Variants in TENT4A observed in about 807,000 individuals in gnomAD.
TENT4A encodes the protein DNA polymerase kappa.
In TENT4A, 7 loss-of-function variants were observed where a neutral mutation model predicts 72.8. That is an observed-to-expected ratio of 0.10 (90% CI 0.05 to 0.18). The LOEUF is 0.18. Ranked by LOEUF, TENT4A falls within the 10% of genes least tolerant of loss-of-function variation. The pLI is 1.00. For missense variants in TENT4A, 831 were observed against 1,017.7 expected (o/e 0.82, Z 2.50); for synonymous variants, 456 against 434.3 (o/e 1.05, Z -0.62).
intron 1 of TENT4A, among the ~76,000 whole-genome samples, chr5:6,717,152 C>T (rs750620936): frequency 6.6e-6 from 1 of 152,208 alleles, no homozygotes; most frequent in African/African-American, 2.4e-5. Context: ...ATAAATAGTT[C>T]TGTCTAGAAC....
chr5:6,718,710 C>T (rs1740505350), intron 1 of TENT4A, among the ~76,000 whole-genome samples: 1 of 152,222 alleles, frequency 6.6e-6, no homozygotes, highest in Non-Finnish European at 1.5e-5. Context: ...TCACTTGTTC[C>T]TGTCTTTTGT....
chr5:6,742,178 C>T (rs1310649276), intron 4 of TENT4A, among the ~76,000 whole-genome samples: 1 of 152,194 alleles, frequency 6.6e-6, no homozygotes, highest in Non-Finnish European at 1.5e-5. Flanking sequence ...CATCCCAGCA[C>T]ATAGGGTGGG....
In TENT4A at chr5:6,755,970, G is replaced by A. The variant is rs142992752; in HGVS notation, c.*1025G>A. 1.4e-4 allele frequency: 21 copies of A among 152,326 alleles called. No homozygotes were observed. Among genetic ancestry groups the A allele is most frequent in the African/African-American group, 4.1e-4 (17 of 41,550 alleles). 9.4% of individuals were successfully genotyped at this position (152,326 alleles called of 1,614,324 possible). ...TGATGGGTCTGGTGACTATTATTGC[G>A]GACCGTGGTACCCAGTTTTAGGAAT... On this transcript the variant is annotated 3_prime_UTR_variant, in exon 13 of 13. Transcript: ENST00000230859.
At chr5:6,741,052 C>T (rs28363361) in intron 4 of TENT4A, among the ~76,000 whole-genome samples, 1 of 152,162 alleles carries the variant, frequency 6.6e-6, no homozygotes, top group Non-Finnish European at 1.5e-5. Flanking sequence ...GGAATCCTGA[C>T]CAGGCGACCA....
At chr5:6,749,883 A>T (rs1458074913) in intron 9 of TENT4A, among the ~76,000 whole-genome samples, 1 of 152,238 alleles carries the variant, frequency 6.6e-6, no homozygotes, top group Non-Finnish European at 1.5e-5. Flanking sequence ...GTCAAATGTG[A>T]AAAGAAACAG....
At chr5:6,744,760 G>T (rs1291662566) in intron 6 of TENT4A, among the ~76,000 whole-genome samples, 37 of 152,200 alleles carry the variant, frequency 2.4e-4, no homozygotes, top group Non-Finnish European at 2.9e-5. Context: ...TTTCCCCTCT[G>T]AGATGTGGCC....
intron 1 of TENT4A, among the ~76,000 whole-genome samples, chr5:6,724,200 T>G (rs542365729): frequency 1.3e-5 from 2 of 152,334 alleles, no homozygotes; most frequent in South Asian, 2.1e-4. Flanking sequence ...AGCCTGGGCT[T>G]CTTCCCACCT....
In TENT4A at chr5:6,725,887, A is replaced by G. The variant is rs144969572; in HGVS notation, c.716+11188A>G. Among the ~76,000 whole-genome samples the G allele has an allele frequency of 2.6e-3, 390 of 152,346 alleles. 1 individual carries two copies. Among genetic ancestry groups the G allele is most frequent in the Non-Finnish European group, 4.0e-3 (269 of 68,034 alleles). Reference sequence around the variant, plus strand: ...TTTGCTTGAAAGGGAAAGGTGTCCAACTTCAGTTGGAAATACTAGTTTCTA... The same window carrying G: ...TTTGCTTGAAAGGGAAAGGTGTCCAGCTTCAGTTGGAAATACTAGTTTCTA... On this transcript the variant is annotated intron_variant, in intron 1 of 12. Transcript: ENST00000230859.
rs150958110 is a variant in TENT4A, at chr5:6,739,822, G to A, written c.978G>A (p.Pro326=). ...TGCGGAAGCACAACGTGGCTGAGCC[G>A]TGTTCCATCAAAGTCCTTGACAAGG... The part of the protein sequence containing the change: ...QALRKHNVAE[P]CSIKVLDKAT... Residue 326 remains proline, a synonymous_variant, in exon 4 of 13, where the codon CCG becomes CCA. Transcript: ENST00000230859. 2.5e-5 allele frequency: 40 copies of A among 1,614,050 alleles called. No individual in the cohort carries two copies. The Admixed American group carries it at 4.0e-4, about 16-fold the overall frequency.
In TENT4A at chr5:6,714,203, C is replaced by A; in HGVS notation, c.220C>A (p.Pro74Thr). 2.1e-6 allele frequency: 2 copies of A among 971,984 alleles called. No homozygotes were observed. The highest frequency in any genetic ancestry group is 2.4e-6 in the Non-Finnish European group (2 of 821,800). The allele number at this position is 971,984 out of a possible 1,614,324, so 60.2% of individuals were successfully genotyped here. A position where few individuals can be genotyped will look rare whatever the true frequency, so the allele number is the denominator to read the frequency against. Residue 74 changes from proline to threonine, a missense_variant, in exon 1 of 13, where the codon CCG (proline) becomes ACG (threonine). Physicochemically the swap from Pro to Thr is conservative, Grantham distance 38. Transcript: ENST00000230859. The stretch of plus-strand genomic sequence containing the variant: ...CCCCGCGCTGCCCGCCGCGTCGCCC[C>A]CGCCGCCCGGCCCCACCGCGCCCGC... ...LGPALPAASPPPPGPTAPAAL... is the reference protein window; with the variant it reads ...LGPALPAASPTPPGPTAPAAL...
intron 1 of TENT4A, among the ~76,000 whole-genome samples, chr5:6,722,436 G>C (rs1340879414): frequency 6.6e-6 from 1 of 152,150 alleles, no homozygotes; most frequent in Non-Finnish European, 1.5e-5. Flanking sequence ...CTGAGTCTTG[G>C]GAGTGGGGGG....
chr5:6,751,696 A>G (rs1355193569), intron 11 of TENT4A, among the ~76,000 whole-genome samples: 1 of 152,280 alleles, frequency 6.6e-6, no homozygotes. Context: ...AGATAAAATT[A>G]GAAATCTAAA....
intron 4 of TENT4A, among the ~76,000 whole-genome samples, chr5:6,741,949 G>A (rs182610699): frequency 3.5e-4 from 54 of 152,238 alleles, no homozygotes; most frequent in African/African-American, 1.0e-3. Context: ...AATGCCATTC[G>A]GTGACAGTTC....
At chr5:6,734,517 G>A (rs1024153397) in intron 1 of TENT4A, among the ~76,000 whole-genome samples, 1 of 152,268 alleles carries the variant, frequency 6.6e-6, no homozygotes, top group Non-Finnish European at 1.5e-5. Flanking sequence ...CACTTCGCCA[G>A]AGCCTTCTTG....
At chr5:6,749,451 C>G (rs1742275550) in intron 8 of TENT4A, 106 bp from the exon 9 acceptor site, 1 of 688,250 alleles carries the variant, frequency 1.5e-6, no homozygotes, top group African/African-American at 1.8e-5. Context: ...CTGTCCTTCA[C>G]CTAGCGAGAT....
At chr5:6,727,059 T>G (rs1740967124) in intron 1 of TENT4A, among the ~76,000 whole-genome samples, 1 of 152,034 alleles carries the variant, frequency 6.6e-6, no homozygotes, top group African/African-American at 2.4e-5. Flanking sequence ...TCGCTCTTGT[T>G]CCACTCCTTG....
At chr5:6,743,170 C>T (rs555589343) in intron 5 of TENT4A, among the ~76,000 whole-genome samples, 1 of 152,318 alleles carries the variant, frequency 6.6e-6, no homozygotes, top group African/African-American at 2.4e-5. Context: ...CAAATCCACC[C>T]CTGCAATCTG....
Position 6,751,030 on chromosome 5 carries a change from G to T in TENT4A, c.1861-9G>T. The stretch of plus-strand genomic sequence containing the variant: ...AGCTGTCCTTTTTGTTTTTTGTACC[G>T]GGTTCAAGGATTCAGACACACCGCC... On this transcript the variant is annotated splice_polypyrimidine_tract_variant and intron_variant, in intron 10 of 12. Coordinates refer to ENST00000230859, the MANE Select transcript of TENT4A (RefSeq NM_006999.6). 6.2e-7 allele frequency: 1 copy of T among 1,613,260 alleles called. No individual in the cohort carries two copies. Among genetic ancestry groups the T allele is most frequent in the Non-Finnish European group, 8.5e-7 (1 of 1,179,448 alleles).
At chr5:6,736,214 C>T (rs1395615908) in intron 1 of TENT4A, among the ~76,000 whole-genome samples, 1 of 152,166 alleles carries the variant, frequency 6.6e-6, no homozygotes, top group Non-Finnish European at 1.5e-5. Context: ...CCTCTGTGGA[C>T]GGCTTGGAAT....
Sources: gnomAD v4.1 joint callset for allele counts (sites outside exome capture counted in the v4.1 genomes callset) on GRCh38, gnomAD v4.1.1 for gene constraint, MANE v1.5 for transcripts, NCBI Gene and HGNC (gene_info 2026-07-23, HGNC 2026-07-21) for gene names.